The following DENND2B variants were observed in gnomAD, a reference collection of about 807,000 sequenced individuals.
The protein encoded by DENND2B is DENN domain containing 2B, also known as DENN domain-containing protein 2B.
A neutral mutation model predicts 116.0 loss-of-function variants in DENND2B; 32 were observed. The ratio of observed to expected loss-of-function variants is 0.28; its 90% CI spans 0.21 to 0.37. The LOEUF is 0.37. Ranked by LOEUF, DENND2B falls within the 10% of genes least tolerant of loss-of-function variation. The pLI, the probability that DENND2B is intolerant of heterozygous loss-of-function variation, is 1.00. For missense variants in DENND2B, 1,276 were observed against 1,477.7 expected, an observed-to-expected ratio of 0.86 and a Z score of 2.24; for synonymous variants, 588 against 583.9, an observed-to-expected ratio of 1.01 and a Z score of -0.10.
intron 4 of DENND2B, among the ~76,000 whole-genome samples, chr11:8,833,671 G>A (rs1007671326): frequency 2.0e-5 from 3 of 152,126 alleles, no homozygotes; most frequent in African/African-American, 7.2e-5. Context: ...CAAAGACCTT[G>A]GCTGCGAATA....
chr11:8,848,920 A>G (rs938343392), intron 3 of DENND2B, among the ~76,000 whole-genome samples: 1 of 152,114 alleles, frequency 6.6e-6, no homozygotes, highest in African/African-American at 2.4e-5. Context: ...GCAGATTCTT[A>G]ACCCAGGGTT....
At position 8,693,478 on chromosome 11, in the gene DENND2B, G is replaced by A. The variant is rs2039781253; in HGVS notation, c.*618C>T. On this transcript the variant is annotated 3_prime_UTR_variant, in exon 20 of 20. Transcript: ENST00000313726. ...CCCAGAGAGCACTGGCAGAGCTGGG[G>A]GTGGGCTTCCCATGACACACTGACC... 6.5e-6 allele frequency: 1 copy of A among 152,814 alleles called. No individual in the cohort carries two copies. The highest frequency in any genetic ancestry group is 2.4e-5 in the African/African-American group (1 of 41,444). 9.5% of individuals were successfully genotyped at this position (152,814 alleles called of 1,614,324 possible).
At chr11:8,791,776 A>G (rs1243082254) in intron 1 of DENND2B, among the ~76,000 whole-genome samples, 1 of 150,572 alleles carries the variant, frequency 6.6e-6, no homozygotes, top group East Asian at 2.0e-4. Context: ...AAAAAAAAAA[A>G]GGAATATTTC....
At chr11:8,761,419 G>A (rs952948094) in intron 1 of DENND2B, among the ~76,000 whole-genome samples, 4 of 152,230 alleles carry the variant, frequency 2.6e-5, no homozygotes, top group Middle Eastern at 6.8e-3. Flanking sequence ...GCCCTCTTTC[G>A]CTCTGGCAAG....
At chr11:8,872,415 A>G (rs2063795277), upstream of DENND2B, among the ~76,000 whole-genome samples, 1 of 150,576 alleles carries the variant, frequency 6.6e-6, no homozygotes, top group Admixed American at 6.7e-5. Flanking sequence ...TGAACCCAGG[A>G]GGCAGAGATT....
At chr11:8,795,907 T>C (rs555732563) in intron 1 of DENND2B, among the ~76,000 whole-genome samples, 2 of 152,180 alleles carry the variant, frequency 1.3e-5, no homozygotes, top group African/African-American at 4.8e-5. Flanking sequence ...ATGAAGACCA[T>C]CTGAACAACA....
chr11:8,826,648 T>C (rs546057551), intron 4 of DENND2B, among the ~76,000 whole-genome samples: 3 of 152,236 alleles, frequency 2.0e-5, no homozygotes. Flanking sequence ...TACAGATGAG[T>C]CATACTAAAT....
At chr11:8,853,959 C>T (rs944867970) in intron 3 of DENND2B, among the ~76,000 whole-genome samples, 22 of 151,650 alleles carry the variant, frequency 1.5e-4, no homozygotes, top group African/African-American at 4.6e-4. Flanking sequence ...AGCAATCCTC[C>T]CCCCTCAGCC....
At chr11:8,769,314 C>T (rs961440275) in intron 1 of DENND2B, among the ~76,000 whole-genome samples, 31 of 151,676 alleles carry the variant, frequency 2.0e-4, no homozygotes, top group African/African-American at 6.3e-4. Context: ...CTCAGCTCCC[C>T]GCAACCTCTG....
At chr11:8,901,706 T>C (rs1027582390) in intron 1 of DENND2B, among the ~76,000 whole-genome samples, 4 of 152,230 alleles carry the variant, frequency 2.6e-5, no homozygotes, top group Admixed American at 2.6e-4. Flanking sequence ...TCCCTTGTGA[T>C]TTAGTCTATG....
intron 2 of DENND2B, among the ~76,000 whole-genome samples, chr11:8,865,351 T>C (rs987318419): frequency 3.9e-5 from 6 of 152,124 alleles, no homozygotes; most frequent in Admixed American, 3.9e-4. Flanking sequence ...AAAAAATATA[T>C]ATATTTTACT....
chr11:8,908,144 T>C (rs1239426390), intron 1 of DENND2B, among the ~76,000 whole-genome samples: 3 of 152,242 alleles, frequency 2.0e-5, no homozygotes, highest in African/African-American at 7.2e-5. Flanking sequence ...CTTCAAGGAA[T>C]TGAAAGGCTA....
At chr11:8,714,546 C>A (rs1224219673) in intron 7 of DENND2B, 64 bp downstream of exon 7, 5 of 1,368,348 alleles carry the variant, frequency 3.7e-6, no homozygotes, top group Non-Finnish European at 5.2e-6. Context: ...TAAATTGATG[C>A]CTCTCCCGTT....
chr11:8,751,991 C>G (rs60980006), intron 1 of DENND2B, among the ~76,000 whole-genome samples: 2,849 of 152,296 alleles, frequency 0.019, 90 homozygotes, highest in African/African-American at 0.065. Context: ...CCCATGTCCA[C>G]GGCAAATGTG....
At chr11:8,755,506 A>G (rs1333169412) in intron 1 of DENND2B, among the ~76,000 whole-genome samples, 2 of 152,130 alleles carry the variant, frequency 1.3e-5, no homozygotes, top group Non-Finnish European at 2.9e-5. Context: ...CTGGAAAGAG[A>G]GGAAGCAGCC....
At chr11:8,751,133 C>G (rs2052374073) in intron 1 of DENND2B, among the ~76,000 whole-genome samples, 1 of 151,802 alleles carries the variant, frequency 6.6e-6, no homozygotes, top group African/African-American at 2.4e-5. Context: ...GCATCTAGCT[C>G]AAGGTTTGTA....
At chr11:8,780,100 A>ACAAC (rs2058229303) in intron 1 of DENND2B, among the ~76,000 whole-genome samples, 1 of 152,186 alleles carries the variant, frequency 6.6e-6, no homozygotes, top group Non-Finnish European at 1.5e-5. Flanking sequence ...GGAAGCCAGG[A>ACAAC]CAACCATCTT....
chr11:8,821,106 C>T (rs1001014958), intron 4 of DENND2B, among the ~76,000 whole-genome samples: 6 of 140,502 alleles, frequency 4.3e-5, no homozygotes, highest in African/African-American at 1.6e-4. Flanking sequence ...GGCAACAGAG[C>T]GAGACTCTGC....
intron 2 of DENND2B, among the ~76,000 whole-genome samples, chr11:8,868,821 C>A (rs768601717): frequency 2.6e-5 from 4 of 152,224 alleles, no homozygotes; most frequent in South Asian, 4.1e-4. Context: ...GCTCTCCCCT[C>A]TTCTATGAAA....
Sources: allele counts gnomAD v4.1 joint callset (sites outside exome capture counted in the v4.1 genomes callset), GRCh38; gene constraint gnomAD v4.1.1; transcripts MANE v1.5; gene names NCBI Gene and HGNC (gene_info 2026-07-23, HGNC 2026-07-21).